The following SARNP variants were observed in gnomAD, a reference collection of about 807,000 sequenced individuals.
SARNP encodes SAP domain containing ribonucleoprotein, also known as SAP domain-containing ribonucleoprotein.
In SARNP, 5 loss-of-function variants were observed where a neutral mutation model predicts 38.1. That is an observed-to-expected ratio of 0.13 (90% CI 0.07 to 0.28). The LOEUF (loss-of-function observed/expected upper bound fraction) is 0.28. SARNP is among the 10% of genes least tolerant of loss of function. SARNP has a pLI of 1.00. For missense variants in SARNP, 180 were observed against 243.9 expected (o/e 0.74, Z 1.75); for synonymous variants, 84 against 80.6 (o/e 1.04, Z -0.23).
intron 9 of SARNP, among the ~76,000 whole-genome samples, chr12:55,784,292 A>G (rs1345022889): frequency 6.6e-6 from 1 of 152,202 alleles, no homozygotes; most frequent in African/African-American, 2.4e-5. Context: ...GATGAAGTGG[A>G]CAAAAGTATG....
intron 2 of SARNP, among the ~76,000 whole-genome samples, chr12:55,801,523 C>G (rs752933508): frequency 3.9e-5 from 6 of 152,000 alleles, no homozygotes; most frequent in Non-Finnish European, 8.8e-5. Flanking sequence ...AGAAAAACAA[C>G]CCAGAACCAA....
intron 9 of SARNP, among the ~76,000 whole-genome samples, chr12:55,764,372 A>C (rs1878762494): frequency 6.6e-6 from 1 of 152,066 alleles, no homozygotes; most frequent in Middle Eastern, 3.2e-3. Context: ...CCTCTACTAA[A>C]AATACAAAAT....
intron 9 of SARNP, among the ~76,000 whole-genome samples, chr12:55,783,863 C>A (rs1879410841): frequency 6.6e-6 from 1 of 151,942 alleles, no homozygotes; most frequent in Non-Finnish European, 1.5e-5. Context: ...GAGGTTGAGG[C>A]AGGAGGATCA....
At chr12:55,788,765 A>C (rs945750808) in intron 9 of SARNP, among the ~76,000 whole-genome samples, 57 of 152,150 alleles carry the variant, frequency 3.7e-4, no homozygotes, top group African/African-American at 1.1e-3. Context: ...GCACCACTGC[A>C]CTCCAGCCTG....
chr12:55,757,502 G>T lies in SARNP; in HGVS notation c.*10C>A. On this transcript the variant is annotated 3_prime_UTR_variant, in exon 11 of 11. Coordinates refer to ENST00000336133, the MANE Select transcript of SARNP (RefSeq NM_033082.4). ...AACACTGGAGAACAGAAAGTATCAG[G>T]AACTTTTCATCAGGCAATCCCAAAG... 1 of 1,605,236 alleles carries T rather than the reference G, an allele frequency of 6.2e-7. No homozygotes were observed. The highest frequency in any genetic ancestry group is 1.1e-5 in the South Asian group (1 of 89,554).
intron 1 of SARNP, among the ~76,000 whole-genome samples, chr12:55,807,683 G>A (rs1490666520): frequency 5.3e-5 from 8 of 151,366 alleles, no homozygotes; most frequent in Non-Finnish European, 8.8e-5. Context: ...GCGCGGTGGC[G>A]GGCGCCTGTA....
chr12:55,757,267 T>C (rs917261720), downstream of SARNP: 5 of 364,376 alleles, frequency 1.4e-5, no homozygotes, highest in East Asian at 4.6e-5. Flanking sequence ...ATAAAACACA[T>C]TGTTCTCTTT....
At chr12:55,809,200 T>C (rs1880249803) in intron 1 of SARNP, among the ~76,000 whole-genome samples, 1 of 151,556 alleles carries the variant, frequency 6.6e-6, no homozygotes, top group African/African-American at 2.4e-5. Context: ...AGGGAGACCC[T>C]ATCTCAAAAC....
intron 1 of SARNP, among the ~76,000 whole-genome samples, chr12:55,812,173 T>C (rs1880346813): frequency 6.6e-6 from 1 of 152,226 alleles, no homozygotes; most frequent in Non-Finnish European, 1.5e-5. Flanking sequence ...GGTCTTGTGC[T>C]ATTCCTCTAA....
chr12:55,783,128 G>T (rs1879387096), intron 9 of SARNP, among the ~76,000 whole-genome samples: 1 of 151,784 alleles, frequency 6.6e-6, no homozygotes, highest in Non-Finnish European at 1.5e-5. Context: ...AATAAAAATG[G>T]TTTCCTATGT....
intron 9 of SARNP, among the ~76,000 whole-genome samples, chr12:55,783,786 G>T (rs1490970579): frequency 6.6e-6 from 1 of 151,760 alleles, no homozygotes; most frequent in African/African-American, 2.4e-5. Context: ...GAGATGAGCA[G>T]ATTGTGACAA....
intron 2 of SARNP, among the ~76,000 whole-genome samples, chr12:55,802,599 T>C (rs907033560): frequency 1.3e-5 from 2 of 151,898 alleles, no homozygotes; most frequent in Non-Finnish European, 2.9e-5. Flanking sequence ...GTGTTTAGGC[T>C]TGGATCTCAC....
At chr12:55,759,694 G>C (rs1439707639) in intron 10 of SARNP, among the ~76,000 whole-genome samples, 1 of 152,188 alleles carries the variant, frequency 6.6e-6, no homozygotes, top group Non-Finnish European at 1.5e-5. Flanking sequence ...GCCTGCCTCA[G>C]CCTCCCAAAG....
intron 1 of SARNP, among the ~76,000 whole-genome samples, chr12:55,813,970 T>C (rs1880408822): frequency 6.6e-6 from 1 of 152,196 alleles, no homozygotes; most frequent in Non-Finnish European, 1.5e-5. Flanking sequence ...TACAGGGTTA[T>C]TATGAGAATT....
At chr12:55,774,890 T>G (rs1458286531) in intron 9 of SARNP, among the ~76,000 whole-genome samples, 2 of 147,446 alleles carry the variant, frequency 1.4e-5, no homozygotes, top group South Asian at 4.3e-4. Context: ...TTTGTTTTTT[T>G]TTTTTTTTTT....
chr12:55,781,936 G>T (rs968863228), intron 9 of SARNP, among the ~76,000 whole-genome samples: 11 of 152,028 alleles, frequency 7.2e-5, no homozygotes, highest in African/African-American at 2.7e-4. Context: ...GGATGGTCTC[G>T]AACTCCTGGG....
At chr12:55,813,365 C>G (rs977793726) in intron 1 of SARNP, among the ~76,000 whole-genome samples, 1 of 152,008 alleles carries the variant, frequency 6.6e-6, no homozygotes, top group African/African-American at 2.4e-5. Flanking sequence ...AGTGAAACAC[C>G]TGAAAGGGGT....
chr12:55,795,208 C>T (rs755828740), intron 5 of SARNP, among the ~76,000 whole-genome samples: 1 of 152,086 alleles, frequency 6.6e-6, no homozygotes, highest in Non-Finnish European at 1.5e-5. Context: ...GAACTGCCCA[C>T]CTCAGCCTCC....
In SARNP at chr12:55,760,595, T is replaced by C. The variant is rs561247855; in HGVS notation, c.547A>G (p.Ile183Val). The C allele has an allele frequency of 6.2e-7, 1 of 1,613,620 alleles. No individual in the cohort carries two copies. Among genetic ancestry groups the C allele is most frequent in the East Asian group, 2.2e-5 (1 of 44,862 alleles). Reference protein sequence around the residue: ...KLKKRKERFGIVTSSAGTGTT... With the variant: ...KLKKRKERFGVVTSSAGTGTT... ...CCAGTTCCAGCTGAACTTGTGACAATCCCAAATCGCTCCTTCCTCTTTTTC... is the reference window on the plus strand; with the variant it reads ...CCAGTTCCAGCTGAACTTGTGACAACCCCAAATCGCTCCTTCCTCTTTTTC... The change falls in exon 10 of 11, where the codon ATT (isoleucine) becomes GTT (valine). Residue 183 changes from isoleucine to valine, a missense_variant. Physicochemically the swap from Ile to Val is conservative, Grantham distance 29. Coordinates refer to ENST00000336133, the MANE Select transcript of SARNP (RefSeq NM_033082.4).
Sources: gnomAD v4.1 joint callset for allele counts (sites outside exome capture counted in the v4.1 genomes callset) on GRCh38, gnomAD v4.1.1 for gene constraint, MANE v1.5 for transcripts, NCBI Gene and HGNC (gene_info 2026-07-23, HGNC 2026-07-21) for gene names.